The following LMX1B variants were observed in gnomAD, a reference collection of about 807,000 sequenced individuals.
LMX1B encodes the protein LIM homeobox transcription factor 1 beta, also known as LIM homeobox transcription factor 1-beta.
Under a neutral mutation model 51.4 loss-of-function variants are expected in LMX1B, and 12 were observed. The ratio of observed to expected loss-of-function variants is 0.23; its 90% CI spans 0.15 to 0.38. The LOEUF is 0.38. Ranked by LOEUF, LMX1B falls within the 10% of genes least tolerant of loss-of-function variation. The pLI, the probability that LMX1B is intolerant of heterozygous loss-of-function variation, is 1.00. For missense variants in LMX1B, 445 were observed against 571.1 expected (o/e 0.78, Z 2.25); for synonymous variants, 237 against 235.4 (o/e 1.01, Z -0.06).
Position 126,623,807 on chromosome 9 carries a change from AG to A in LMX1B, c.326+8240del, listed in dbSNP as rs1835465170. Among the ~76,000 whole-genome samples, 6 of 152,120 alleles carry A rather than the reference AG, an allele frequency of 3.9e-5. No individual in the cohort carries two copies. In the South Asian group the frequency reaches 1.2e-3, roughly 32 times the overall value. On this transcript the variant is annotated intron_variant, in intron 2 of 7. Coordinates refer to ENST00000373474, the MANE Select transcript of LMX1B (RefSeq NM_001174147.2). Reference sequence around the variant, plus strand: ...GCCAGCCCTGGCCAGCGGAAGAAAAAGGTTAGAATAATTGCCTTCCCCTGGG... The same window carrying A: ...GCCAGCCCTGGCCAGCGGAAGAAAAAGTTAGAATAATTGCCTTCCCCTGGG...
chr9:126,669,045 G>T (rs1836398122), intron 2 of LMX1B, among the ~76,000 whole-genome samples: 1 of 152,252 alleles, frequency 6.6e-6, no homozygotes, highest in Non-Finnish European at 1.5e-5. Context: ...AGCAGGCCTG[G>T]GGTCCAACCC....
intron 2 of LMX1B, among the ~76,000 whole-genome samples, chr9:126,683,235 C>T (rs1836709942): frequency 6.6e-6 from 1 of 151,102 alleles, no homozygotes; most frequent in Non-Finnish European, 1.5e-5. Flanking sequence ...GCGCGCCCGT[C>T]TCGCCGCGCA....
intron 2 of LMX1B, among the ~76,000 whole-genome samples, chr9:126,672,814 C>T (rs955513989): frequency 3.3e-5 from 5 of 152,304 alleles, no homozygotes; most frequent in African/African-American, 4.8e-5. Context: ...TCCTGGCCAG[C>T]GGAGCCTGGC....
At chr9:126,616,932 AGGGATTGGAGT>A (rs1835314544) in intron 2 of LMX1B, among the ~76,000 whole-genome samples, 1 of 152,164 alleles carries the variant, frequency 6.6e-6, no homozygotes, top group African/African-American at 2.4e-5. Context: ...ATCTTTGGGT[AGGGATTGGAGT>A]CCATTCAGAG....
In LMX1B at chr9:126,647,253, C is replaced by T. The variant is rs557123465; in HGVS notation, c.326+31684C>T. On this transcript the variant is annotated intron_variant, in intron 2 of 7. Coordinates refer to ENST00000373474, the MANE Select transcript of LMX1B (RefSeq NM_001174147.2). ...CTAGGAAAAATTCAAATAATACAGA[C>T]TATATAAGCAAAGAAATGAAAGATC... Among the ~76,000 whole-genome samples, 7 of 152,140 alleles carry T rather than the reference C, an allele frequency of 4.6e-5. No homozygotes were observed. The South Asian group carries it at 6.2e-4, about 14-fold the overall frequency.
At chr9:126,689,288 G>A (rs1423655708) in intron 2 of LMX1B, among the ~76,000 whole-genome samples, 1 of 152,304 alleles carries the variant, frequency 6.6e-6, no homozygotes, top group Non-Finnish European at 1.5e-5. Context: ...CCACCAGCTC[G>A]CCGTGGGCGG....
intron 2 of LMX1B, among the ~76,000 whole-genome samples, chr9:126,635,279 G>C (rs1292891032): frequency 2.0e-5 from 3 of 152,216 alleles, no homozygotes. Flanking sequence ...CCCACACAGG[G>C]AGCAGGCCCG....
chr9:126,665,511 G>A (rs1053851205), intron 2 of LMX1B, among the ~76,000 whole-genome samples: 7 of 152,254 alleles, frequency 4.6e-5, no homozygotes, highest in Admixed American at 6.5e-5. Flanking sequence ...GGCCAGCGGG[G>A]CTGCTCTGGG....
rs1383271996 is a variant in LMX1B, at chr9:126,669,312, G to C, written c.327-21524G>C. Reference sequence around the variant, plus strand: ...TCCCGGCGGATGAGGCCTGGGGAGAGGGAGGGGCCAATCTGTGAGTCGGGA... The same window carrying C: ...TCCCGGCGGATGAGGCCTGGGGAGACGGAGGGGCCAATCTGTGAGTCGGGA... On this transcript the variant is annotated intron_variant, in intron 2 of 7. Coordinates refer to ENST00000373474, the MANE Select transcript of LMX1B (RefSeq NM_001174147.2). 2.6e-5 allele frequency among the ~76,000 whole-genome samples: 4 copies of C among 152,152 alleles called. No homozygotes were observed. In the East Asian group the frequency reaches 5.8e-4, roughly 22 times the overall value.
intron 2 of LMX1B, among the ~76,000 whole-genome samples, chr9:126,655,054 C>T (rs1389812937): frequency 6.6e-6 from 1 of 152,178 alleles, no homozygotes; most frequent in African/African-American, 2.4e-5. Context: ...TGAAATGGGG[C>T]GGTGGTGTTA....
At chr9:126,653,512 G>A (rs1231361766) in intron 2 of LMX1B, among the ~76,000 whole-genome samples, 1 of 151,994 alleles carries the variant, frequency 6.6e-6, no homozygotes, top group Non-Finnish European at 1.5e-5. Flanking sequence ...AGATTCATAG[G>A]CAATTGCAAA....
chr9:126,617,984 CG>C lies in LMX1B; in HGVS notation c.326+2416del, dbSNP rs368409187. Among the ~76,000 whole-genome samples the C allele has an allele frequency of 3.7e-3, 556 of 152,184 alleles. 4 individuals carry two copies. Among genetic ancestry groups the C allele is most frequent in the African/African-American group, 0.013 (538 of 41,538 alleles). ...GTCGTTTCACAGGGAGATGGAGCGC[CG>C]CTCCAGGCAGGCAGCAGCCACTGGA... On this transcript the variant is annotated intron_variant, in intron 2 of 7. Coordinates refer to ENST00000373474, the MANE Select transcript of LMX1B (RefSeq NM_001174147.2).
intron 2 of LMX1B, among the ~76,000 whole-genome samples, chr9:126,687,530 G>C (rs952855421): frequency 6.6e-6 from 1 of 152,174 alleles, no homozygotes; most frequent in African/African-American, 2.4e-5. Context: ...GCGCTGGCCT[G>C]ATCATTCCCA....
At position 126,671,244 on chromosome 9, in the gene LMX1B, C is replaced by G. The variant is rs762230572; in HGVS notation, c.327-19592C>G. Among the ~76,000 whole-genome samples the G allele has an allele frequency of 1.3e-5, 2 of 152,192 alleles. No homozygotes were observed. The highest frequency in any genetic ancestry group is 2.4e-5 in the African/African-American group (1 of 41,444). ...GGGGGAGGGGACCCCGCTCGGAAAT[C>G]GGTCATAAATTTCTTGAGATGCTTT... is the stretch of plus-strand genomic sequence containing the variant. On this transcript the variant is annotated intron_variant, in intron 2 of 7. Coordinates refer to ENST00000373474, the MANE Select transcript of LMX1B (RefSeq NM_001174147.2). This position sits in a 1 kb window ranked among gnomAD's most constrained non-coding sequence, Gnocchi z 4.4.
intron 2 of LMX1B, among the ~76,000 whole-genome samples, chr9:126,619,177 T>TC (rs1028900760): frequency 4.6e-5 from 7 of 152,280 alleles, no homozygotes; most frequent in African/African-American, 1.7e-4. Flanking sequence ...TTAAAAAATT[T>TC]CCCCCAGCTG....
At chr9:126,617,437 G>C (rs973816960) in intron 2 of LMX1B, among the ~76,000 whole-genome samples, 1 of 151,476 alleles carries the variant, frequency 6.6e-6, no homozygotes, top group Non-Finnish European at 1.5e-5. Flanking sequence ...TATGAATCGC[G>C]TGTACATATT....
chr9:126,614,952 G>A (rs901198550), intron 1 of LMX1B, among the ~76,000 whole-genome samples: 22 of 152,114 alleles, frequency 1.4e-4, no homozygotes, highest in African/African-American at 5.3e-4. Flanking sequence ...AGAGAAAAAC[G>A]TCTCCCTGGT....
chr9:126,615,729 G>GGACCA lies in LMX1B; in HGVS notation c.326+162_326+166dup, dbSNP rs1835291846. Among the ~76,000 whole-genome samples, 1 of 152,068 alleles carries GGACCA rather than the reference G, an allele frequency of 6.6e-6. No individual in the cohort carries two copies. On this transcript the variant is annotated intron_variant, in intron 2 of 7. Transcript: ENST00000373474. The surrounding 1 kb of genome is among the most constrained non-coding windows in gnomAD (Gnocchi z 6.0). The stretch of plus-strand genomic sequence containing the variant: ...GAGCTGCGCGTCTTGGGGCTGGGGC[G>GGACCA]GACCAGCCCAGCCCAGCGGGCACTG...
chr9:126,634,603 C>CA (rs1835682309), intron 2 of LMX1B, among the ~76,000 whole-genome samples: 1 of 77,286 alleles, frequency 1.3e-5, no homozygotes, highest in East Asian at 2.5e-4. Context: ...GTTCTGCACA[C>CA]CCCCCCCACA....
Sources: gnomAD v4.1 joint callset for allele counts (sites outside exome capture counted in the v4.1 genomes callset) on GRCh38, gnomAD v4.1.1 for gene constraint, Gnocchi (gnomAD v3.1) non-coding constraint, MANE v1.5 for transcripts, NCBI Gene and HGNC (gene_info 2026-07-23, HGNC 2026-07-21) for gene names.